Variants in SLC25A26 observed in about 807,000 individuals in gnomAD.
The protein encoded by SLC25A26 is solute carrier family 25 member 26, also known as mitochondrial S-adenosylmethionine carrier protein.
SLC25A26 carries 36 observed loss-of-function variants against 37.8 expected under a neutral mutation model. The ratio of observed to expected loss-of-function variants is 0.95; its 90% CI spans 0.73 to 1.26. The LOEUF (loss-of-function observed/expected upper bound fraction) is 1.26, where lower values mean the gene tolerates loss of function less well. SLC25A26 is among the 50% of genes most tolerant of loss of function. The probability of loss-of-function intolerance (pLI) is 0.00; values close to 1 mark genes in which losing one functional copy is unlikely to be tolerated. For missense variants in SLC25A26, 390 were observed against 331.1 expected, an observed-to-expected ratio of 1.18 and a Z score of -1.38; for synonymous variants, 129 against 122.5, an observed-to-expected ratio of 1.05 and a Z score of -0.35.
intron 1 of SLC25A26, among the ~76,000 whole-genome samples, chr3:66,197,736 T>A (rs1265221643): frequency 1.3e-5 from 2 of 152,006 alleles, no homozygotes; most frequent in Admixed American, 1.3e-4. Flanking sequence ...AGGCTGAAGG[T>A]CAAGGTCAGA....
intron 1 of SLC25A26, among the ~76,000 whole-genome samples, chr3:66,149,397 G>T (rs937170088): frequency 1.3e-5 from 2 of 152,152 alleles, no homozygotes; most frequent in African/African-American, 4.8e-5. Context: ...GACCCTAGCA[G>T]CCAGAAGCTA....
chr3:66,348,940 A>G (rs922183408), intron 6 of SLC25A26, among the ~76,000 whole-genome samples: 1 of 152,242 alleles, frequency 6.6e-6, no homozygotes, highest in Non-Finnish European at 1.5e-5. Context: ...CAAAAGAACA[A>G]TGAAGCCAAC....
chr3:66,335,589 T>C lies in SLC25A26; in HGVS notation c.454-10775T>C, dbSNP rs551016067. Among the ~76,000 whole-genome samples, 3 of 152,304 alleles carry C rather than the reference T, an allele frequency of 2.0e-5. No homozygotes were observed. The East Asian group carries it at 5.8e-4, about 29-fold the overall frequency. ...TTCTCCCCTAACTCTTTTAGCCTTATCCCCTCCCTTTTCTTCATCCCTTTC... is the reference window on the plus strand; with the variant it reads ...TTCTCCCCTAACTCTTTTAGCCTTACCCCCTCCCTTTTCTTCATCCCTTTC... On this transcript the variant is annotated intron_variant, in intron 5 of 9. Transcript: ENST00000354883.
intron 6 of SLC25A26, among the ~76,000 whole-genome samples, chr3:66,360,149 C>G (rs1215641456): frequency 6.6e-6 from 1 of 152,172 alleles, no homozygotes; most frequent in African/African-American, 2.4e-5. Flanking sequence ...CAGTGACCCT[C>G]ACAACCTTCC....
intron 5 of SLC25A26, among the ~76,000 whole-genome samples, chr3:66,300,363 A>G (rs1647878249): frequency 6.6e-6 from 1 of 150,380 alleles, no homozygotes; most frequent in African/African-American, 2.4e-5. Flanking sequence ...TAATGGTCAG[A>G]TTTTAGTTAT....
chr3:66,299,104 G>C (rs147100040), intron 5 of SLC25A26, among the ~76,000 whole-genome samples: 113 of 152,234 alleles, frequency 7.4e-4, no homozygotes, highest in African/African-American at 2.5e-3. Context: ...ATTTGTTACT[G>C]TGTGTGTGTT....
intron 1 of SLC25A26, among the ~76,000 whole-genome samples, chr3:66,169,413 G>A (rs944469072): frequency 2.6e-4 from 40 of 152,248 alleles, no homozygotes; most frequent in Non-Finnish European, 5.4e-4. Context: ...TTGAAGTGCC[G>A]TTTCTGAGTG....
chr3:66,288,239 A>G (rs1239967052), intron 5 of SLC25A26, among the ~76,000 whole-genome samples: 1 of 152,326 alleles, frequency 6.6e-6, no homozygotes, highest in African/African-American at 2.4e-5. Flanking sequence ...TCTCTGAATG[A>G]GTTGAATTCT....
intron 5 of SLC25A26, among the ~76,000 whole-genome samples, chr3:66,289,825 T>C (rs1360902322): frequency 6.6e-6 from 1 of 152,204 alleles, no homozygotes; most frequent in Non-Finnish European, 1.5e-5. Context: ...ACGTATGAAA[T>C]TTAAAGTAGT....
intron 3 of SLC25A26, among the ~76,000 whole-genome samples, chr3:66,247,527 T>A (rs1037109178): frequency 6.6e-6 from 1 of 152,170 alleles, no homozygotes; most frequent in Non-Finnish European, 1.5e-5. Flanking sequence ...CCCAGGCTAG[T>A]CTTGAACTCC....
Position 66,203,951 on chromosome 3 carries a change from G to A in SLC25A26, c.-353-16791G>A, listed in dbSNP as rs903418536. ...TATTCCCTATTCCAAATTTAGCCCC[G>A]ATACACAGTAGGCACTCAGTATTGT... On this transcript the variant is annotated intron_variant, in intron 1 of 10. Coordinates refer to the SLC25A26 transcript ENST00000676754. 5.5e-4 allele frequency among the ~76,000 whole-genome samples: 84 copies of A among 152,064 alleles called. 1 individual carries two copies. Among genetic ancestry groups the A allele is most frequent in the Non-Finnish European group, 1.9e-4 (13 of 68,012 alleles).
intron 3 of SLC25A26, among the ~76,000 whole-genome samples, chr3:66,243,675 T>C (rs2072693648): frequency 6.6e-6 from 1 of 152,218 alleles, no homozygotes; most frequent in Admixed American, 6.5e-5. Context: ...CTTTCCGAAA[T>C]AGTTTCAGTT....
chr3:66,272,227 T>C (rs935753496), intron 5 of SLC25A26, among the ~76,000 whole-genome samples: 34 of 152,192 alleles, frequency 2.2e-4, no homozygotes, highest in Non-Finnish European at 4.0e-4. Context: ...CTTGGTAAGT[T>C]TGTGGTTGGC....
At chr3:66,272,809 G>A (rs9831795) in intron 5 of SLC25A26, among the ~76,000 whole-genome samples, 7,405 of 152,132 alleles carry the variant, frequency 0.049, 614 homozygotes, top group African/African-American at 0.17. Context: ...AATTGCCCTG[G>A]CCAGAACTTC....
intron 7 of SLC25A26, among the ~76,000 whole-genome samples, chr3:66,367,859 C>T (rs1457187942): frequency 6.6e-6 from 1 of 152,120 alleles, no homozygotes; most frequent in Non-Finnish European, 1.5e-5. Flanking sequence ...CAAAGCTTAG[C>T]AAGTCTCTGA....
At chr3:66,188,280 CA>C (rs2070869283) in intron 1 of SLC25A26, among the ~76,000 whole-genome samples, 2 of 152,136 alleles carry the variant, frequency 1.3e-5, no homozygotes, top group African/African-American at 4.8e-5. Context: ...TTATATTTAT[CA>C]AGTTTCTGAC....
chr3:66,213,400 A>C (rs1455324342), intron 1 of SLC25A26, among the ~76,000 whole-genome samples: 1 of 56,724 alleles, frequency 1.8e-5, no homozygotes, highest in Non-Finnish European at 3.3e-5. Context: ...ACTCTGTCTC[A>C]AAAAAAAAAA....
At chr3:66,230,453 A>AG (rs2071960128) in intron 1 of SLC25A26, among the ~76,000 whole-genome samples, 1 of 151,922 alleles carries the variant, frequency 6.6e-6, no homozygotes, top group Non-Finnish European at 1.5e-5. Flanking sequence ...GTATGTATGT[A>AG]GGGGGGTGGA....
chr3:66,321,288 C>A (rs185853030), intron 5 of SLC25A26, among the ~76,000 whole-genome samples: 41 of 152,238 alleles, frequency 2.7e-4, no homozygotes, highest in African/African-American at 8.9e-4. Flanking sequence ...ACGTTTAAAC[C>A]GTTCTCTGTA....
Sources: gnomAD v4.1 joint callset for allele counts (sites outside exome capture counted in the v4.1 genomes callset) on GRCh38, gnomAD v4.1.1 for gene constraint, MANE v1.5 for transcripts, NCBI Gene and HGNC (gene_info 2026-07-23, HGNC 2026-07-21) for gene names.